ZAN: variants seen among roughly 807,000 people sequenced by gnomAD.
ZAN encodes zonadhesin (gene/pseudogene).
ZAN carries 260 observed loss-of-function variants against 286.2 expected under a neutral mutation model. That is an observed-to-expected ratio of 0.91 (90% CI 0.82 to 1.01). ZAN has a LOEUF of 1.01. ZAN is among the 50% of genes least tolerant of loss of function. The pLI is 0.00. For missense variants in ZAN, 3,410 were observed against 3,639.2 expected (o/e 0.94, Z 1.62); for synonymous variants, 1,368 against 1,417.5 (o/e 0.97, Z 0.79).
At chr7:100,776,976 C>A (rs1040005784) in intron 34 of ZAN, among the ~76,000 whole-genome samples, 4 of 148,660 alleles carry the variant, frequency 2.7e-5, no homozygotes, top group Non-Finnish European at 5.9e-5. Context: ...TCGTGATCCA[C>A]CCGCCTCGGC....
Position 100,752,131 on chromosome 7 carries a change from G to C in ZAN, c.2026G>C (p.Val676Leu). ...GACCACCACCTCCATGGAAGAGCCTGTCATCCCTACAGAAAAACCCAGCAT... is the reference window on the plus strand; with the variant it reads ...GACCACCACCTCCATGGAAGAGCCTCTCATCCCTACAGAAAAACCCAGCAT... The part of the protein sequence containing the change: ...EETTTSMEEP[V>L]IPTEKPSIPT... The change falls in exon 14 of 48, where the codon GTC (valine) becomes CTC (leucine). Residue 676 changes from valine (V) to leucine (L), a missense_variant. Coordinates refer to ENST00000613979, the MANE Select transcript of ZAN (RefSeq NM_003386.3). The C allele has an allele frequency of 6.3e-7, 1 of 1,586,632 alleles. No homozygotes were observed. Among genetic ancestry groups the C allele is most frequent in the Non-Finnish European group, 8.5e-7 (1 of 1,170,178 alleles).
Position 100,748,403 on chromosome 7 carries a change from C to T in ZAN, c.1182C>T (p.His394=). 4 of 1,614,034 alleles carry T rather than the reference C, an allele frequency of 2.5e-6. No individual in the cohort carries two copies. Among genetic ancestry groups the T allele is most frequent in the Non-Finnish European group, 3.4e-6 (4 of 1,179,902 alleles). The change falls in exon 11 of 48, where the codon CAC becomes CAT. Residue 394 remains histidine (H), a synonymous_variant. Coordinates refer to ENST00000613979, the MANE Select transcript of ZAN (RefSeq NM_003386.3). ...DWVQTSGDGG[H]WALGHKNGPV... Reference sequence around the variant, plus strand: ...TCCAGACTTCCGGGGATGGTGGACACTGGGCCCTCGGACATAAAAATGGAC... The same window carrying T: ...TCCAGACTTCCGGGGATGGTGGACATTGGGCCCTCGGACATAAAAATGGAC...
chr7:100,762,100 A>G (rs996219803), intron 19 of ZAN, 115 bp from the exon 20 acceptor site: 8 of 1,347,330 alleles, frequency 5.9e-6, no homozygotes, highest in Admixed American at 3.9e-5. Flanking sequence ...GCACCTCTTC[A>G]TCCTCCTCAC....
intron 15 of ZAN, 57 bp from the exon 16 acceptor site, chr7:100,758,145 A>G: frequency 2.2e-6 from 3 of 1,358,012 alleles, no homozygotes. Context: ...AGAAAGGCAA[A>G]GGGAGAAGTA....
intron 35 of ZAN, among the ~76,000 whole-genome samples, chr7:100,784,331 T>C (rs1811419746): frequency 6.6e-6 from 1 of 151,908 alleles, no homozygotes; most frequent in Non-Finnish European, 1.5e-5. Flanking sequence ...GGTTTCACCA[T>C]GATGGCCAGG....
chr7:100,758,085 C>T (rs923359865), intron 15 of ZAN, 117 bp from the exon 16 acceptor site: 2 of 795,052 alleles, frequency 2.5e-6, no homozygotes, highest in Non-Finnish European at 3.2e-6. Flanking sequence ...GACTCCATCA[C>T]AAATAAATAA....
intron 23 of ZAN, 24 bp from the exon 24 acceptor site, chr7:100,766,501 T>C: frequency 1.3e-6 from 2 of 1,541,300 alleles, no homozygotes; most frequent in Non-Finnish European, 8.8e-7. Flanking sequence ...ACACTTTCTC[T>C]TCCTTCCCTG....
At position 100,755,233 on chromosome 7, in the gene ZAN, C is replaced by A; in HGVS notation, c.3132C>A (p.Cys1044Ter). Residue 1044 changes from cysteine to a stop codon, truncating the protein, a stop_gained, in exon 15 of 48, where the codon TGC (cysteine) becomes TGA (stop). Transcript: ENST00000613979. LOFTEE classifies it high-confidence loss of function. ...TTTSRSSTER[C>*]PPNARYESCA... ...AGGCTGTTTTCCCCTTAGAGCGCTGCCCTCCAAATGCCCGCTACGAATCCT... is the reference window on the plus strand; with the variant it reads ...AGGCTGTTTTCCCCTTAGAGCGCTGACCTCCAAATGCCCGCTACGAATCCT... The A allele has an allele frequency of 6.2e-7, 1 of 1,611,908 alleles. No homozygotes were observed. The highest frequency in any genetic ancestry group is 1.7e-5 in the Admixed American group (1 of 59,764).
Position 100,748,391 on chromosome 7 carries a change from G to A in ZAN, c.1170G>A (p.Gly390=). ...TCTGTGACTGGGTCCAGACTTCCGG[G>A]GATGGTGGACACTGGGCCCTCGGAC... ...HPFCDWVQTS[G]DGGHWALGHK... Residue 390 remains glycine (G), a synonymous_variant, in exon 11 of 48, where the codon GGG becomes GGA. Transcript: ENST00000613979. 8 of 1,614,004 alleles carry A rather than the reference G, an allele frequency of 5.0e-6. No individual in the cohort carries two copies. The highest frequency in any genetic ancestry group is 5.9e-6 in the Non-Finnish European group (7 of 1,179,898).
chr7:100,752,591 C>T lies in ZAN; in HGVS notation c.2486C>T (p.Thr829Ile), dbSNP rs776803172. The T allele has an allele frequency of 6.2e-7, 1 of 1,612,266 alleles. No homozygotes were observed. Among genetic ancestry groups the T allele is most frequent in the Non-Finnish European group, 8.5e-7 (1 of 1,179,348 alleles). Residue 829 changes from threonine (T) to isoleucine (I), a missense_variant, in exon 14 of 48, where the codon ACC (threonine) becomes ATC (isoleucine). Transcript: ENST00000613979. ...MEKPTLPTEE[T>I]TTSVEETTIS... is the part of the protein sequence containing the mutation. ...AAACCCACTCTCCCCACTGAAGAAA[C>T]CACCACCTCTGTTGAAGAGACTACC...
At chr7:100,786,179 C>T (rs764314100) in intron 37 of ZAN, 38 bp downstream of exon 37, 14 of 1,611,366 alleles carry the variant, frequency 8.7e-6, no homozygotes, top group Non-Finnish European at 1.1e-5. Flanking sequence ...GAGGGGAGCA[C>T]CTGTGGCCAG....
Position 100,760,107 on chromosome 7 carries a change from C to T in ZAN, c.3696+262C>T, listed in dbSNP as rs532191273. ...CACTTGCCTGTTGTCCCCTCTACTC[C>T]AGAGGCTGAGGTGGGAGGATTGCTG... On this transcript the variant is annotated intron_variant, in intron 18 of 47. Coordinates refer to ENST00000613979, the MANE Select transcript of ZAN (RefSeq NM_003386.3). 5.8e-4 allele frequency among the ~76,000 whole-genome samples: 88 copies of T among 152,154 alleles called. 1 individual carries two copies. The highest frequency in any genetic ancestry group is 2.1e-3 in the African/African-American group (87 of 41,514).
At chr7:100,779,071 C>T (rs1045151673) in intron 34 of ZAN, among the ~76,000 whole-genome samples, 4 of 151,580 alleles carry the variant, frequency 2.6e-5, no homozygotes, top group South Asian at 2.1e-4. Flanking sequence ...GGCATGGTGC[C>T]GGGTGGCTGT....
Position 100,738,578 on chromosome 7 carries a change from G to C in ZAN, c.731G>C (p.Gly244Ala), listed in dbSNP as rs1369578531. Reference sequence around the variant, plus strand: ...AAGAAAGGGTCATCAGGAAAGCCAGGCGTGGGGCCTGATGGCGACTTCTCT... The same window carrying C: ...AAGAAAGGGTCATCAGGAAAGCCAGCCGTGGGGCCTGATGGCGACTTCTCT... ...TQKKGSSGKPGVGPDGDFSSP... is the reference protein window; with the variant it reads ...TQKKGSSGKPAVGPDGDFSSP... The change falls in exon 7 of 48, where the codon GGC (glycine) becomes GCC (alanine). Residue 244 changes from glycine (G) to alanine (A), a missense_variant. Physicochemically the swap from Gly to Ala is moderately conservative, Grantham distance 60. This residue lies in a region of ZAN where 872 missense variants were observed against 938.9 expected (regional missense o/e 0.93). Transcript: ENST00000613979. The C allele has an allele frequency of 2.6e-6, 4 of 1,517,906 alleles. No homozygotes were observed. The highest frequency in any genetic ancestry group is 2.3e-5 in the South Asian group (2 of 88,066). 94.0% of individuals were successfully genotyped at this position (1,517,906 alleles called of 1,614,324 possible). A position where few individuals can be genotyped will look rare whatever the true frequency, so the allele number is the denominator to read the frequency against.
In ZAN at chr7:100,775,326, A is replaced by C. The variant is rs371490079; in HGVS notation, c.5780-2A>C. Reference sequence around the variant, plus strand: ...AGCCCAGCTGTCTCTCTGTCCTCCCAGGTGTGGGAGTGTGTCAGCTCCCAG... The same window carrying C: ...AGCCCAGCTGTCTCTCTGTCCTCCCCGGTGTGGGAGTGTGTCAGCTCCCAG... On this transcript the variant is annotated splice_acceptor_variant, in intron 31 of 47. Coordinates refer to ENST00000613979, the MANE Select transcript of ZAN (RefSeq NM_003386.3). LOFTEE classifies it high-confidence loss of function. The C allele has an allele frequency of 1.8e-5, 29 of 1,612,460 alleles. No homozygotes were observed. In the South Asian group the frequency reaches 2.9e-4, roughly 16 times the overall value.
intron 33 of ZAN, 148 bp from the exon 34 acceptor site, chr7:100,776,292 T>A: frequency 8.8e-7 from 1 of 1,140,880 alleles, no homozygotes; most frequent in Non-Finnish European, 1.1e-6. Context: ...CACTCCAGGC[T>A]GGGTGACAAG....
At chr7:100,766,335 G>A (rs1314182770) in intron 23 of ZAN, among the ~76,000 whole-genome samples, 190 bp from the exon 24 acceptor site, 1 of 152,172 alleles carries the variant, frequency 6.6e-6, no homozygotes, top group East Asian at 1.9e-4. Context: ...CAGAAATGAT[G>A]TAGTGACTGA....
In ZAN at chr7:100,772,002, C is replaced by A. The variant is rs534817290; in HGVS notation, c.5407C>A (p.Arg1803=). 22 of 1,601,682 alleles carry A rather than the reference C, an allele frequency of 1.4e-5. No individual in the cohort carries two copies. The highest frequency in any genetic ancestry group is 2.7e-5 in the African/African-American group (2 of 74,968). ...CCAGGCTGGCCAGGCCCCTGCCTGG[C>A]GGAACAGAACCTTCTGCCGTGAGTG... ...CAQAGQAPAW[R]NRTFCPMRCP... is the part of the protein sequence containing the mutation. The change falls in exon 29 of 48, where the codon CGG becomes AGG. Residue 1803 remains arginine (R), a synonymous_variant. Coordinates refer to ENST00000613979, the MANE Select transcript of ZAN (RefSeq NM_003386.3).
intron 10 of ZAN, 44 bp downstream of exon 10, chr7:100,748,259 G>A (rs1808371684): frequency 5.0e-6 from 8 of 1,613,888 alleles, no homozygotes; most frequent in Non-Finnish European, 6.8e-6. Flanking sequence ...AGAATCCGGG[G>A]TGGGCTGGGG....
Sources: gnomAD v4.1 joint callset for allele counts (sites outside exome capture counted in the v4.1 genomes callset) on GRCh38, gnomAD v4.1.1 for gene constraint, gnomAD v4.1.1 regional missense constraint, MANE v1.5 for transcripts, NCBI Gene and HGNC (gene_info 2026-07-23, HGNC 2026-07-21) for gene names.